The following SPATA16 variants were observed in gnomAD, a reference collection of about 807,000 sequenced individuals.
The protein encoded by SPATA16 is spermatogenesis associated 16, also known as spermatogenesis-associated protein 16.
In SPATA16, 36 loss-of-function variants were observed where a neutral mutation model predicts 63.3. The ratio of observed to expected loss-of-function variants is 0.57; its 90% confidence interval spans 0.44 to 0.75. The LOEUF (loss-of-function observed/expected upper bound fraction) is 0.75. Among genes scored for constraint, SPATA16 ranks in the 30% least tolerant of loss-of-function variants. The pLI, the probability that SPATA16 is intolerant of heterozygous loss-of-function variation, is 0.00. For missense variants in SPATA16, 646 were observed against 679.3 expected (o/e 0.95, Z 0.54); for synonymous variants, 203 against 216.7 (o/e 0.94, Z 0.56).
intron 2 of SPATA16, among the ~76,000 whole-genome samples, chr3:173,061,872 A>C (rs778933709): frequency 6.6e-6 from 1 of 152,170 alleles, no homozygotes; most frequent in East Asian, 1.9e-4. Flanking sequence ...CAGTGGACTT[A>C]AAAGTACTAT....
intron 4 of SPATA16, among the ~76,000 whole-genome samples, chr3:172,986,679 G>T (rs1034162986): frequency 6.6e-6 from 1 of 152,114 alleles, no homozygotes; most frequent in South Asian, 2.1e-4. Flanking sequence ...GAGCAGGGGG[G>T]GGAATGCAGA....
At chr3:173,138,890 G>T (rs1738623972) in intron 1 of SPATA16, among the ~76,000 whole-genome samples, 1 of 152,104 alleles carries the variant, frequency 6.6e-6, no homozygotes, top group Admixed American at 6.5e-5. Context: ...ATGTACATAG[G>T]TGTACATAAA....
chr3:173,090,872 T>G (rs2108319277), intron 2 of SPATA16, among the ~76,000 whole-genome samples: 1 of 152,314 alleles, frequency 6.6e-6, no homozygotes, highest in African/African-American at 2.4e-5. Context: ...AGTGGCAAGA[T>G]TGCATGTAAT....
At chr3:173,048,804 C>A in intron 3 of SPATA16, 145 bp downstream of exon 3, 2 of 1,026,104 alleles carry the variant, frequency 1.9e-6, no homozygotes, top group South Asian at 3.0e-5. Context: ...TCCATGATTG[C>A]CTCACTTGAC....
At chr3:172,993,609 A>T (rs936272189) in intron 4 of SPATA16, among the ~76,000 whole-genome samples, 1 of 152,214 alleles carries the variant, frequency 6.6e-6, no homozygotes, top group African/African-American at 2.4e-5. Context: ...GCTTCTGATT[A>T]TAATCTTCCT....
In SPATA16 at chr3:173,088,072, T is replaced by G. The variant is rs59530947; in HGVS notation, c.612+29048A>C. ...TTTCTTTCTTTCTTTCTTTCTTTCTTTCTTTCTGTCTTTTCTTTTTTTTTT... is the reference window on the plus strand; with the variant it reads ...TTTCTTTCTTTCTTTCTTTCTTTCTGTCTTTCTGTCTTTTCTTTTTTTTTT... On this transcript the variant is annotated intron_variant, in intron 2 of 10. Transcript: ENST00000351008. Among the ~76,000 whole-genome samples the G allele has an allele frequency of 2.2e-3, 282 of 128,140 alleles. 2 individuals carry two copies. Among genetic ancestry groups the G allele is most frequent in the Middle Eastern group, 4.1e-3 (1 of 246 alleles). The allele number at this position is 128,140 out of a possible 152,430, so 84.1% of individuals were successfully genotyped here.
intron 4 of SPATA16, among the ~76,000 whole-genome samples, chr3:172,990,457 A>G (rs1441221233): frequency 6.6e-6 from 1 of 152,212 alleles, no homozygotes; most frequent in East Asian, 1.9e-4. Context: ...GCACTGGGGA[A>G]ACCAACTATA....
At chr3:173,050,437 A>T (rs982351923) in intron 2 of SPATA16, among the ~76,000 whole-genome samples, 2 of 152,140 alleles carry the variant, frequency 1.3e-5, no homozygotes, top group African/African-American at 4.8e-5. Context: ...TTAGTAAAAA[A>T]TACTTACTGA....
chr3:172,889,770 T>A, intron 10 of SPATA16, 78 bp from the exon 11 acceptor site: 1 of 1,572,742 alleles, frequency 6.4e-7, no homozygotes, highest in Non-Finnish European at 8.6e-7. Context: ...CGGTGAGGTA[T>A]TTAAAATAAA....
intron 2 of SPATA16, among the ~76,000 whole-genome samples, chr3:173,079,589 T>C (rs1736881014): frequency 6.6e-6 from 1 of 152,196 alleles, no homozygotes; most frequent in Non-Finnish European, 1.5e-5. Context: ...ACTTTATTTT[T>C]TATTTACTTC....
rs112281214 is a variant in SPATA16, at chr3:173,117,752, G to A, written c.-18-3C>T. The A allele has an allele frequency of 1.2e-6, 2 of 1,614,000 alleles. No homozygotes were observed. Among genetic ancestry groups the A allele is most frequent in the Non-Finnish European group, 1.7e-6 (2 of 1,179,956 alleles). On this transcript the variant is annotated splice_polypyrimidine_tract_variant and splice_region_variant and intron_variant, in intron 1 of 10. Coordinates refer to ENST00000351008, the MANE Select transcript of SPATA16 (RefSeq NM_031955.6). ...TCCATCGATCCTGCCCAAAACTCCT[G>A]CAGGGGGGAGAAAAAGGAAAGTAAT...
intron 4 of SPATA16, among the ~76,000 whole-genome samples, chr3:173,005,730 A>G (rs571832089): frequency 1.3e-5 from 2 of 152,310 alleles, no homozygotes; most frequent in South Asian, 4.1e-4. Flanking sequence ...GTTTTTCACT[A>G]ATGGGTTTTT....
chr3:173,042,207 T>C (rs971190171), intron 3 of SPATA16, among the ~76,000 whole-genome samples: 7 of 152,014 alleles, frequency 4.6e-5, no homozygotes, highest in Admixed American at 4.6e-4. Flanking sequence ...TTCAGAAGGG[T>C]ATTTTATTTA....
At chr3:172,933,871 G>A (rs1732922805) in intron 6 of SPATA16, among the ~76,000 whole-genome samples, 1 of 152,088 alleles carries the variant, frequency 6.6e-6, no homozygotes, top group Admixed American at 6.6e-5. Flanking sequence ...CTATAGATGA[G>A]ATGTAAGACA....
intron 1 of SPATA16, among the ~76,000 whole-genome samples, chr3:173,126,158 T>A (rs1444343294): frequency 6.6e-6 from 1 of 152,212 alleles, no homozygotes; most frequent in Non-Finnish European, 1.5e-5. Context: ...TTTATCTTAT[T>A]CTTTGTTGAC....
At chr3:173,013,799 T>G (rs1052402967) in intron 4 of SPATA16, among the ~76,000 whole-genome samples, 18 of 152,160 alleles carry the variant, frequency 1.2e-4, no homozygotes, top group African/African-American at 4.3e-4. Flanking sequence ...AAGTCACTAG[T>G]TACAGAGAAC....
At chr3:173,138,980 C>A (rs1392892583) in intron 1 of SPATA16, among the ~76,000 whole-genome samples, 1 of 152,136 alleles carries the variant, frequency 6.6e-6, no homozygotes, top group African/African-American at 2.4e-5. Context: ...TGAATCTTCA[C>A]CTTCCAGTAA....
chr3:172,981,892 G>C (rs1273612347), intron 4 of SPATA16, among the ~76,000 whole-genome samples: 1 of 152,156 alleles, frequency 6.6e-6, no homozygotes, highest in Admixed American at 6.5e-5. Context: ...CTTACACACT[G>C]TCTATGACTG....
At chr3:173,085,537 A>C (rs778285798) in intron 2 of SPATA16, among the ~76,000 whole-genome samples, 5 of 152,068 alleles carry the variant, frequency 3.3e-5, no homozygotes, top group Non-Finnish European at 5.9e-5. Flanking sequence ...CCCTGGCCAG[A>C]ACTTCCAATA....
Sources: allele counts gnomAD v4.1 joint callset (sites outside exome capture counted in the v4.1 genomes callset), GRCh38; gene constraint gnomAD v4.1.1; transcripts MANE v1.5; gene names NCBI Gene and HGNC (gene_info 2026-07-23, HGNC 2026-07-21).